MED13: variants seen among roughly 807,000 people sequenced by gnomAD.
MED13 encodes the protein mediator of RNA polymerase II transcription subunit 13.
A neutral mutation model predicts 225.2 loss-of-function variants in MED13; 23 were observed. That is an observed-to-expected ratio of 0.10 (90% CI 0.07 to 0.14). The LOEUF (loss-of-function observed/expected upper bound fraction) is 0.14, where lower values mean the gene tolerates loss of function less well. MED13 is among the 10% of genes least tolerant of loss of function. The pLI is 1.00. For synonymous variants in MED13, 942 were observed against 889.2 expected (o/e 1.06, Z -1.06); for missense variants, 2,197 against 2,594.5 (o/e 0.85, Z 3.33).
In MED13 at chr17:61,995,183, T is replaced by C; in HGVS notation, c.2150A>G (p.Asn717Ser). The C allele has an allele frequency of 6.2e-7, 1 of 1,613,732 alleles. No homozygotes were observed. Among genetic ancestry groups the C allele is most frequent in the Non-Finnish European group, 8.5e-7 (1 of 1,179,840 alleles). Residue 717 changes from asparagine to serine, a missense_variant, in exon 10 of 30, where the codon AAT becomes AGT. Physicochemically the swap from Asn to Ser is conservative, Grantham distance 46. This residue lies in a region of MED13 where 884 missense variants were observed against 918.5 expected (regional missense o/e 0.96). Transcript: ENST00000397786. ...FLFPDKKDRQ[N>S]SEREAGKKHK... ...TTTTTTTCCAGCTTCTCTCTCACTA[T>C]TTTGTCTATCTTTTTTATCAGGAAA...
intron 9 of MED13, chr17:62,003,889 T>A (rs1253882331): frequency 3.3e-5 from 5 of 152,324 alleles, no homozygotes; most frequent in African/African-American, 1.2e-4. Context: ...GAGAAAAATG[T>A]CAAATAATTT....
Position 61,950,954 on chromosome 17 carries a change from T to C in MED13, c.6162A>G (p.Glu2054=), listed in dbSNP as rs1260885019. 2.5e-6 allele frequency: 4 copies of C among 1,613,858 alleles called. No homozygotes were observed. The highest frequency in any genetic ancestry group is 3.4e-6 in the Non-Finnish European group (4 of 1,179,834). Residue 2054 remains glutamate (E), a synonymous_variant, in exon 28 of 30, where the codon GAA becomes GAG. Transcript: ENST00000397786. ...DRLLSTEPHE[E]VPNILQQPLA... ...ATGGTTGCTGAAGAATATTAGGTAC[T>C]TCCTCATGAGGTTCTGTTGATAGTA... is the stretch of plus-strand genomic sequence containing the variant.
At chr17:62,027,262 G>A (rs529852522) in intron 8 of MED13, among the ~76,000 whole-genome samples, 5 of 152,208 alleles carry the variant, frequency 3.3e-5, no homozygotes, top group African/African-American at 9.6e-5. Context: ...ACAGAATAGA[G>A]AGCCCAGAAA....
chr17:62,023,629 C>A (rs760145327), intron 8 of MED13, among the ~76,000 whole-genome samples: 90 of 152,144 alleles, frequency 5.9e-4, no homozygotes, highest in South Asian at 1.0e-3. Flanking sequence ...AGAAAGCAAA[C>A]GAGTCTAGGA....
chr17:62,031,249 A>G, intron 6 of MED13, 195 bp downstream of exon 6: 1 of 478,198 alleles, frequency 2.1e-6, no homozygotes, highest in Non-Finnish European at 3.6e-6. Flanking sequence ...GACCAATGAT[A>G]ATGAATGTAC....
chr17:62,059,390 A>G (rs1442723021), intron 2 of MED13, among the ~76,000 whole-genome samples: 1 of 152,226 alleles, frequency 6.6e-6, no homozygotes, highest in African/African-American at 2.4e-5. Flanking sequence ...CAAGAAAAAC[A>G]AGGGCAATAT....
rs934447973 is a variant in MED13 at position 61,961,622 on chromosome 17, C to A, written c.5222G>T (p.Gly1741Val). The change falls in exon 22 of 30, where the codon GGT becomes GTT. Residue 1741 changes from glycine (G) to valine (V), a missense_variant. This residue lies in a region of MED13 where 457 missense variants were observed against 442.2 expected (regional missense o/e 1.03). Transcript: ENST00000397786. ...TCTAAGGGCAGTTTCCATGGCTAAACCTGGACCAAAGCCAGTCAATGTTTT... is the reference window on the plus strand; with the variant it reads ...TCTAAGGGCAGTTTCCATGGCTAAAACTGGACCAAAGCCAGTCAATGTTTT... ...NVKTLTGFGP[G>V]LAMETALRSP... 6.2e-7 allele frequency: 1 copy of A among 1,612,804 alleles called. No individual in the cohort carries two copies. The highest frequency in any genetic ancestry group is 8.5e-7 in the Non-Finnish European group (1 of 1,179,482).
intron 3 of MED13, among the ~76,000 whole-genome samples, chr17:62,050,460 T>G (rs569801622): frequency 5.1e-4 from 76 of 149,328 alleles, no homozygotes; most frequent in African/African-American, 1.7e-3. Flanking sequence ...AACCTCTCAA[T>G]AGAAAGTCAA....
intron 8 of MED13, among the ~76,000 whole-genome samples, chr17:62,017,240 A>G (rs1489572946): frequency 6.8e-6 from 1 of 147,530 alleles, no homozygotes; most frequent in Non-Finnish European, 1.5e-5. Flanking sequence ...AAAAAAAAGC[A>G]TGAAAGATTT....
chr17:62,037,938 AGAGT>A (rs1318039841), intron 3 of MED13, among the ~76,000 whole-genome samples: 7 of 132,670 alleles, frequency 5.3e-5, no homozygotes, highest in African/African-American at 8.1e-5. Flanking sequence ...CCTGGGCAAC[AGAGT>A]GAGACTTCAT....
intron 11 of MED13, among the ~76,000 whole-genome samples, chr17:61,991,743 C>T (rs2080301073): frequency 6.6e-6 from 1 of 152,020 alleles, no homozygotes; most frequent in Admixed American, 6.6e-5. Context: ...CTCTTGACCT[C>T]GTGATCCGCC....
At chr17:62,010,175 C>T (rs1179321687) in intron 9 of MED13, among the ~76,000 whole-genome samples, 2 of 150,452 alleles carry the variant, frequency 1.3e-5, no homozygotes, top group South Asian at 2.1e-4. Flanking sequence ...GGGCCTAGAT[C>T]GTGCCTCTAC....
At chr17:61,998,925 CTTTTTTTTTTTTT>C (rs10617153) in intron 9 of MED13, among the ~76,000 whole-genome samples, 1 of 103,864 alleles carries the variant, frequency 9.6e-6, no homozygotes, top group Non-Finnish European at 1.9e-5. Context: ...TTAAATGGTA[CTTTTTTTTTTTTT>C]TTTTTTTTTT....
In MED13 at chr17:61,962,680, G is replaced by T; in HGVS notation, c.5064+72C>A. 2.3e-6 allele frequency: 3 copies of T among 1,309,950 alleles called. No individual in the cohort carries two copies. The South Asian group carries it at 3.7e-5, about 16-fold the overall frequency. The allele number at this position is 1,309,950 out of a possible 1,614,324, so 81.1% of individuals were successfully genotyped here. On this transcript the variant is annotated intron_variant, in intron 21 of 29. Coordinates refer to ENST00000397786, the MANE Select transcript of MED13 (RefSeq NM_005121.3). ...AGATAATCAATTTGAATACAGAAAA[G>T]TAGTATCTGAAACTTCTGACAACAT...
intron 11 of MED13, among the ~76,000 whole-genome samples, chr17:61,991,223 A>T (rs374126199): frequency 6.6e-6 from 1 of 151,256 alleles, no homozygotes; most frequent in East Asian, 2.0e-4. Flanking sequence ...GGTTCAAGCG[A>T]TTCTCCTGCC....
At chr17:62,048,060 A>ATATATATATATG (rs2080917355) in intron 3 of MED13, among the ~76,000 whole-genome samples, 1 of 143,574 alleles carries the variant, frequency 7.0e-6, no homozygotes, top group African/African-American at 2.5e-5. Context: ...ATATATATAT[A>ATATATATATATG]TATGTATATA....
intron 4 of MED13, among the ~76,000 whole-genome samples, chr17:62,034,538 G>T (rs1258064645): frequency 1.4e-5 from 2 of 147,332 alleles, no homozygotes; most frequent in Non-Finnish European, 1.5e-5. Flanking sequence ...ATTTTTAACA[G>T]AAGCTGGGAA....
intron 8 of MED13, among the ~76,000 whole-genome samples, chr17:62,017,324 T>C (rs986336361): frequency 2.0e-5 from 3 of 150,556 alleles, no homozygotes; most frequent in Admixed American, 2.0e-4. Context: ...CTTTAGACTT[T>C]AAGGAAAGCA....
intron 3 of MED13, among the ~76,000 whole-genome samples, chr17:62,038,717 G>C (rs1380501380): frequency 6.6e-6 from 1 of 152,102 alleles, no homozygotes; most frequent in Non-Finnish European, 1.5e-5. Flanking sequence ...TCACTGGAGT[G>C]CAGTGATACA....
Sources: gnomAD v4.1 joint callset for allele counts (sites outside exome capture counted in the v4.1 genomes callset) on GRCh38, gnomAD v4.1.1 for gene constraint, gnomAD v4.1.1 regional missense constraint, MANE v1.5 for transcripts, NCBI Gene and HGNC (gene_info 2026-07-23, HGNC 2026-07-21) for gene names.